The following XPR1 variants were observed in gnomAD, a reference collection of about 807,000 sequenced individuals.
XPR1 encodes the protein solute carrier family 53 member 1.
XPR1 carries 28 observed loss-of-function variants against 87.5 expected under a neutral mutation model. The ratio of observed to expected loss-of-function variants is 0.32; its 90% confidence interval spans 0.24 to 0.44. XPR1 has a LOEUF of 0.44. Among genes scored for constraint, XPR1 ranks in the 20% least tolerant of loss-of-function variants. The pLI is 1.00. For missense variants in XPR1, 559 were observed against 862.3 expected, an observed-to-expected ratio of 0.65 and a Z score of 4.41; for synonymous variants, 300 against 306.1, an observed-to-expected ratio of 0.98 and a Z score of 0.21.
intron 2 of XPR1, among the ~76,000 whole-genome samples, chr1:180,769,738 A>C (rs943084341): frequency 3.3e-5 from 5 of 152,228 alleles, no homozygotes; most frequent in African/African-American, 1.2e-4. Flanking sequence ...TGCAACAAAC[A>C]TGGGAGTGCA....
intron 2 of XPR1, among the ~76,000 whole-genome samples, chr1:180,732,352 T>G (rs1209876833): frequency 6.6e-6 from 1 of 152,220 alleles, no homozygotes; most frequent in Middle Eastern, 3.2e-3. Flanking sequence ...TATCTTAATA[T>G]GCGTAACTCC....
At chr1:180,709,489 T>C (rs1005302307) in intron 2 of XPR1, among the ~76,000 whole-genome samples, 6 of 140,154 alleles carry the variant, frequency 4.3e-5, no homozygotes, top group Admixed American at 3.4e-4. Flanking sequence ...CAAACACTGA[T>C]TGGCTTTCTT....
At chr1:180,812,759 C>T (rs575818457) in intron 7 of XPR1, among the ~76,000 whole-genome samples, 5 of 151,984 alleles carry the variant, frequency 3.3e-5, no homozygotes, top group African/African-American at 1.2e-4. Context: ...CACGATTTTC[C>T]TGCCTCAGCC....
intron 2 of XPR1, among the ~76,000 whole-genome samples, chr1:180,765,386 C>CT (rs1459829865): frequency 6.6e-6 from 1 of 152,194 alleles, no homozygotes; most frequent in Non-Finnish European, 1.5e-5. Flanking sequence ...GTATTCTGTT[C>CT]TAAGTCAGTT....
intron 14 of XPR1, 73 bp downstream of exon 14, chr1:180,880,370 A>G: frequency 6.4e-7 from 1 of 1,552,738 alleles, no homozygotes; most frequent in South Asian, 1.2e-5. Flanking sequence ...TAAGCTAAAA[A>G]GCTATCAGGT....
chr1:180,698,232 T>C (rs1657232440), intron 2 of XPR1, among the ~76,000 whole-genome samples: 1 of 152,194 alleles, frequency 6.6e-6, no homozygotes, highest in Non-Finnish European at 1.5e-5. Flanking sequence ...AAGTTTGTTT[T>C]ATCTGATAAC....
At chr1:180,773,452 C>T (rs901927818) in intron 2 of XPR1, among the ~76,000 whole-genome samples, 1 of 152,174 alleles carries the variant, frequency 6.6e-6, no homozygotes, top group South Asian at 2.1e-4. Flanking sequence ...CTAAGAACAA[C>T]AGAGAGTTAC....
At chr1:180,646,548 T>C (rs1359699212) in intron 1 of XPR1, among the ~76,000 whole-genome samples, 2 of 152,200 alleles carry the variant, frequency 1.3e-5, no homozygotes, top group African/African-American at 4.8e-5. Flanking sequence ...CCTGTTGCAA[T>C]GAACCTATTA....
chr1:180,863,540 C>A (rs1265969179), intron 11 of XPR1, among the ~76,000 whole-genome samples, 168 bp from the exon 12 acceptor site: 3 of 152,144 alleles, frequency 2.0e-5, no homozygotes, highest in Non-Finnish European at 4.4e-5. Flanking sequence ...TCAGGGAAAT[C>A]ATATTTATTA....
chr1:180,659,579 C>G (rs1021431824), intron 1 of XPR1, among the ~76,000 whole-genome samples: 3 of 139,970 alleles, frequency 2.1e-5, no homozygotes, highest in African/African-American at 8.3e-5. Context: ...CCACACCCCC[C>G]AGCCACCGCA....
At chr1:180,728,687 T>C (rs893549002) in intron 2 of XPR1, among the ~76,000 whole-genome samples, 1 of 152,196 alleles carries the variant, frequency 6.6e-6, no homozygotes. Context: ...TAATGGAAGC[T>C]CAGAGACCTT....
chr1:180,832,331 C>CT (rs1317857236), intron 9 of XPR1, among the ~76,000 whole-genome samples: 1 of 152,098 alleles, frequency 6.6e-6, no homozygotes, highest in Non-Finnish European at 1.5e-5. Context: ...TTCTCCCATT[C>CT]TATAGGTTGC....
In XPR1 at chr1:180,863,117, T is replaced by C. The variant is rs138481553; in HGVS notation, c.1502-591T>C. On this transcript the variant is annotated intron_variant, in intron 11 of 14. Coordinates refer to ENST00000367590, the MANE Select transcript of XPR1 (RefSeq NM_004736.4). ...CCCTCTAAGAAAAGCTAAAATATCA[T>C]ACTTTGCTTTGTGACTTGAGAGAAA... 7.0e-3 allele frequency among the ~76,000 whole-genome samples: 1,062 copies of C among 152,258 alleles called. 6 individuals are homozygous for C. Among genetic ancestry groups the C allele is most frequent in the Middle Eastern group, 0.014 (4 of 294 alleles).
At chr1:180,704,276 A>ATATATATATATATC (rs1557965447) in intron 2 of XPR1, among the ~76,000 whole-genome samples, 1 of 141,352 alleles carries the variant, frequency 7.1e-6, no homozygotes, top group Non-Finnish European at 1.5e-5. Context: ...ATATATATAT[A>ATATATATATATATC]TTATCAGATT....
At chr1:180,732,288 G>A (rs1658582766) in intron 2 of XPR1, among the ~76,000 whole-genome samples, 1 of 151,146 alleles carries the variant, frequency 6.6e-6, no homozygotes, top group African/African-American at 2.4e-5. Flanking sequence ...GGGTCTTGAT[G>A]ATTAAAATTT....
intron 1 of XPR1, among the ~76,000 whole-genome samples, chr1:180,651,997 A>G (rs1655307441): frequency 6.6e-6 from 1 of 152,212 alleles, no homozygotes; most frequent in South Asian, 2.1e-4. Context: ...GGCCTATAAA[A>G]GTTGAAGTGA....
At chr1:180,683,983 A>C (rs1013920316) in intron 2 of XPR1, among the ~76,000 whole-genome samples, 1 of 151,946 alleles carries the variant, frequency 6.6e-6, no homozygotes, top group Non-Finnish European at 1.5e-5. Flanking sequence ...CCCATTTGTC[A>C]ATTTTGGCTT....
intron 6 of XPR1, among the ~76,000 whole-genome samples, chr1:180,809,415 T>C (rs558219803): frequency 3.3e-5 from 5 of 152,332 alleles, no homozygotes; most frequent in African/African-American, 1.2e-4. Flanking sequence ...ATACAGTTTA[T>C]TGTATATCAA....
chr1:180,663,770 C>G (rs1655858830), intron 1 of XPR1, among the ~76,000 whole-genome samples: 1 of 152,214 alleles, frequency 6.6e-6, no homozygotes, highest in Non-Finnish European at 1.5e-5. Context: ...CAGAGATGCT[C>G]TCTGGGAGCC....
Sources: gnomAD v4.1 joint callset for allele counts (sites outside exome capture counted in the v4.1 genomes callset) on GRCh38, gnomAD v4.1.1 for gene constraint, MANE v1.5 for transcripts, NCBI Gene and HGNC (gene_info 2026-07-23, HGNC 2026-07-21) for gene names.